SHANK1: variants seen among roughly 807,000 people sequenced by gnomAD.
SHANK1 encodes the protein SH3 and multiple ankyrin repeat domains 1.
In SHANK1, 35 loss-of-function variants were observed where a neutral mutation model predicts 165.6. The observed-to-expected ratio is 0.21, with a 90% CI of 0.16 to 0.28. The LOEUF (loss-of-function observed/expected upper bound fraction) is 0.28. Ranked by LOEUF, SHANK1 falls within the 10% of genes least tolerant of loss-of-function variation. The pLI is 1.00. For missense variants in SHANK1, 2,681 were observed against 3,036.4 expected (o/e 0.88, Z 2.75); for synonymous variants, 1,428 against 1,384.8 (o/e 1.03, Z -0.69).
chr19:50,713,355 A>G lies in SHANK1; in HGVS notation c.792+443T>C, dbSNP rs2089030610. On this transcript the variant is annotated intron_variant, in intron 6 of 23. Transcript: ENST00000293441. This position sits in a 1 kb window ranked among gnomAD's most constrained non-coding sequence, Gnocchi z 6.2. Reference sequence around the variant, plus strand: ...AAGGGGCTGTATTTGCATGTGAGAGAGGAGGGAGGGGAGCTGGTGCAGTGC... The same window carrying G: ...AAGGGGCTGTATTTGCATGTGAGAGGGGAGGGAGGGGAGCTGGTGCAGTGC... 6.9e-6 allele frequency among the ~76,000 whole-genome samples: 1 copy of G among 144,736 alleles called. No homozygotes were observed. 95.0% of individuals were successfully genotyped at this position (144,736 alleles called of 152,430 possible). A position where few individuals can be genotyped will look rare whatever the true frequency, so the allele number is the denominator to read the frequency against.
Position 50,689,204 on chromosome 19 carries a change from C to T in SHANK1, c.2040G>A (p.Gly680=), listed in dbSNP as rs751102790. 3.7e-6 allele frequency: 6 copies of T among 1,611,410 alleles called. No individual in the cohort carries two copies. Among genetic ancestry groups the T allele is most frequent in the Admixed American group, 1.7e-5 (1 of 59,868 alleles). ...TCCCCGGCTGGCACTCACCCTTGGCCCCCCGGAGCACGAACCCAAACCCCT... is the reference window on the plus strand; with the variant it reads ...TCCCCGGCTGGCACTCACCCTTGGCTCCCCGGAGCACGAACCCAAACCCCT... The part of the protein sequence containing the change: ...DSEGFGFVLR[G]AKAQTPIEEF... Residue 680 remains glycine, a synonymous_variant, in exon 16 of 24, where the codon GGG becomes GGA. Transcript: ENST00000293441.
rs1174507582 is a variant in SHANK1, at chr19:50,697,689, T to C, written c.1862-25A>G. On this transcript the variant is annotated intron_variant, in intron 13 of 23. Coordinates refer to ENST00000293441, the MANE Select transcript of SHANK1 (RefSeq NM_016148.5). This position sits in a 1 kb window ranked among gnomAD's most constrained non-coding sequence, Gnocchi z 4.7. ...TCTGCAGGGTGACAACAGACAACCT[T>C]GGACTCTTGTTTTGGAAACCACAAT... 2 of 1,611,296 alleles carry C rather than the reference T, an allele frequency of 1.2e-6. No homozygotes were observed. Among genetic ancestry groups the C allele is most frequent in the East Asian group, 2.2e-5 (1 of 44,872 alleles).
In SHANK1 at chr19:50,687,971, C is replaced by A. The variant is rs1986413434; in HGVS notation, c.2260G>T (p.Val754Leu). Residue 754 changes from valine (V) to leucine (L), a missense_variant, in exon 18 of 24, where the codon GTG (valine) becomes TTG (leucine). Transcript: ENST00000293441. ...ATGTCCGGGTGCCTGGTGACCATCA[C>A]CACCTTCACCATCAGCGTGTTGCCC... is the stretch of plus-strand genomic sequence containing the variant. ...QGGNTLMVKV[V>L]MVTRHPDMDE... The A allele has an allele frequency of 6.2e-7, 1 of 1,614,140 alleles. No homozygotes were observed. Among genetic ancestry groups the A allele is most frequent in the Non-Finnish European group, 8.5e-7 (1 of 1,179,978 alleles).
chr19:50,662,618 G>A lies in SHANK1; in HGVS notation c.5833C>T (p.Pro1945Ser), dbSNP rs767489058. 12 of 1,564,690 alleles carry A rather than the reference G, an allele frequency of 7.7e-6. No individual in the cohort carries two copies. The East Asian group carries it at 1.9e-4, about 25-fold the overall frequency. The change falls in exon 24 of 24, where the codon CCC becomes TCC. Residue 1945 changes from proline (P) to serine (S), a missense_variant. By Grantham distance (74) the Pro-to-Ser change is moderately conservative (BLOSUM62 -1). This residue lies in a region of SHANK1 where 1,713 missense variants were observed against 1,630.2 expected (regional missense o/e 1.05). Coordinates refer to ENST00000293441, the MANE Select transcript of SHANK1 (RefSeq NM_016148.5). The surrounding 1 kb of genome is among the most constrained non-coding windows in gnomAD (Gnocchi z 7.7). ...KPVSSLFQNW[P>S]KPPLPPLPTG... ...GGGAGTGGCGGCAGAGGTGGTTTGG[G>A]CCAGTTCTGAAACAGGCTGCTGACA... is the stretch of plus-strand genomic sequence containing the variant.
chr19:50,688,995 T>G lies in SHANK1; in HGVS notation c.2048-27A>C. On this transcript the variant is annotated intron_variant, in intron 16 of 23. Coordinates refer to ENST00000293441, the MANE Select transcript of SHANK1 (RefSeq NM_016148.5). The surrounding 1 kb of genome is among the most constrained non-coding windows in gnomAD (Gnocchi z 6.7). ...TGCAGACAGGGAGGAGCCGGCGGGG[T>G]CGGAGGGGAGGGGGTGGAGAGGCCG... The G allele has an allele frequency of 1.4e-6, 2 of 1,467,016 alleles. No individual in the cohort carries two copies. The highest frequency in any genetic ancestry group is 2.5e-5 in the East Asian group (1 of 40,034). 90.9% of individuals were successfully genotyped at this position (1,467,016 alleles called of 1,614,324 possible).
Position 50,714,195 on chromosome 19 carries a change from G to A in SHANK1, c.627C>T (p.Asp209=), listed in dbSNP as rs764991599. The A allele has an allele frequency of 3.6e-5, 58 of 1,613,938 alleles. No individual in the cohort carries two copies. The highest frequency in any genetic ancestry group is 4.8e-5 in the Non-Finnish European group (57 of 1,179,960). ...ACCCCTCCCTACCTCCCGAATCCGA[G>A]TCATGGTAATTGGGGTCCAGCCCCT... is the stretch of plus-strand genomic sequence containing the variant. ...LDKGLDPNYH[D]SDSGETPLTL... Residue 209 remains aspartate (D), a synonymous_variant, in exon 5 of 24, where the codon GAC becomes GAT. Transcript: ENST00000293441.
At chr19:50,714,011 T>A in intron 5 of SHANK1, 62 bp from the exon 6 acceptor site, 2 of 1,595,224 alleles carry the variant, frequency 1.3e-6, no homozygotes, top group East Asian at 2.3e-5. Context: ...CCCTTCCCAT[T>A]TTCCAGGCTC....
Position 50,662,738 on chromosome 19 carries a change from G to A in SHANK1, c.5769-56C>T. On this transcript the variant is annotated intron_variant, in intron 23 of 23. Coordinates refer to ENST00000293441, the MANE Select transcript of SHANK1 (RefSeq NM_016148.5). The surrounding 1 kb of genome is among the most constrained non-coding windows in gnomAD (Gnocchi z 7.7). ...GACAGGGATTTAGGGGGCAAGGGCA[G>A]GGGTGAGAAAGAGGCAGAGGTCAAG... The A allele has an allele frequency of 6.5e-7, 1 of 1,542,272 alleles. No individual in the cohort carries two copies. The highest frequency in any genetic ancestry group is 8.8e-7 in the Non-Finnish European group (1 of 1,140,064).
rs1344721066 is a variant in SHANK1, at chr19:50,717,679, G to GCAC, written c.-43-718_-43-717insGTG. Among the ~76,000 whole-genome samples the GCAC allele has an allele frequency of 6.6e-6, 1 of 152,132 alleles. No homozygotes were observed. The highest frequency in any genetic ancestry group is 1.5e-5 in the Non-Finnish European group (1 of 68,014). ...AGACTGGGGCATCTTGAGAGGGTGT[G>GCAC]CGGGTAGGTGGGGAGGTCGGCCTGG... On this transcript the variant is annotated intron_variant, in intron 1 of 23. Transcript: ENST00000293441. This position sits in a 1 kb window ranked among gnomAD's most constrained non-coding sequence, Gnocchi z 5.5.
intron 21 of SHANK1, among the ~76,000 whole-genome samples, chr19:50,674,071 A>G (rs559374970): frequency 6.6e-6 from 1 of 151,010 alleles, no homozygotes; most frequent in Admixed American, 6.6e-5. Context: ...CTCAGATTAC[A>G]GGCATGAGCC....
rs142370637 is a variant in SHANK1, at chr19:50,676,993, C to T, written c.2578-4879G>A. 5.7e-4 allele frequency among the ~76,000 whole-genome samples: 87 copies of T among 152,224 alleles called. 1 individual carries two copies. The highest frequency in any genetic ancestry group is 6.5e-4 in the Non-Finnish European group (44 of 68,024). ...AATGCTGGTGCAATAGCTAGAGCTC[C>T]AGCAGCAATTTTGGACTATGAGGCC... is the stretch of plus-strand genomic sequence containing the variant. On this transcript the variant is annotated intron_variant, in intron 21 of 23. Transcript: ENST00000293441.
In SHANK1 at chr19:50,667,189, G is replaced by A. The variant is rs748675087; in HGVS notation, c.4771C>T (p.Pro1591Ser). 12 of 1,570,866 alleles carry A rather than the reference G, an allele frequency of 7.6e-6. No individual in the cohort carries two copies. Among genetic ancestry groups the A allele is most frequent in the Non-Finnish European group, 9.4e-6 (11 of 1,165,796 alleles). The change falls in exon 23 of 24, where the codon CCG becomes TCG. Residue 1591 changes from proline to serine, a missense_variant. Around this residue, in one of 10 missense-constraint regions of SHANK1, gnomAD observed 1,713 missense variants for 1,630.2 expected, o/e 1.05. Coordinates refer to ENST00000293441, the MANE Select transcript of SHANK1 (RefSeq NM_016148.5). This position sits in a 1 kb window ranked among gnomAD's most constrained non-coding sequence, Gnocchi z 5.7. Reference protein sequence around the residue: ...ESPLTPGPPHPLPDTPAPATP... With the variant: ...ESPLTPGPPHSLPDTPAPATP... ...GCAGGGGCAGGTGTGTCGGGCAGCGGGTGGGGAGGCCCAGGCGTGAGGGGC... is the reference window on the plus strand; with the variant it reads ...GCAGGGGCAGGTGTGTCGGGCAGCGAGTGGGGAGGCCCAGGCGTGAGGGGC...
At chr19:50,701,992 C>G (rs148114937) in intron 12 of SHANK1, among the ~76,000 whole-genome samples, 2 of 152,324 alleles carry the variant, frequency 1.3e-5, no homozygotes, top group East Asian at 3.9e-4. Context: ...CCCTGCCTGT[C>G]TCTCAGTTGA....
chr19:50,681,562 A>G (rs1006257512), intron 21 of SHANK1, among the ~76,000 whole-genome samples: 2 of 152,054 alleles, frequency 1.3e-5, no homozygotes, highest in African/African-American at 4.8e-5. Context: ...TGCAGGGTAG[A>G]CCTAGAACTG....
At chr19:50,705,853 G>A (rs1424648317) in intron 8 of SHANK1, among the ~76,000 whole-genome samples, 1 of 152,140 alleles carries the variant, frequency 6.6e-6, no homozygotes, top group African/African-American at 2.4e-5. Context: ...GGAAACTAAG[G>A]CTTTCAAAAG....
Position 50,659,910 on chromosome 19 carries a change from C to T in SHANK1, c.*2055G>A, listed in dbSNP as rs1275455571. Among the ~76,000 whole-genome samples, 1 of 149,648 alleles carries T rather than the reference C, an allele frequency of 6.7e-6. No individual in the cohort carries two copies. Among genetic ancestry groups the T allele is most frequent in the Non-Finnish European group, 1.5e-5 (1 of 67,214 alleles). The stretch of plus-strand genomic sequence containing the variant: ...GGGGAGGGGGCGGGTAGGGGTCCAG[C>T]GCGGCCTCTGCCCCTCTCTCACCAC... On this transcript the variant is annotated 3_prime_UTR_variant, in exon 24 of 24. Transcript: ENST00000293441.
intron 21 of SHANK1, among the ~76,000 whole-genome samples, chr19:50,684,856 CA>C (rs34262561): frequency 6.6e-6 from 1 of 151,908 alleles, no homozygotes; most frequent in South Asian, 2.1e-4. Flanking sequence ...AACATGTTGA[CA>C]AAAAAAGATG....
rs1258184962 is a variant in SHANK1 at position 50,718,777 on chromosome 19, G to A, written c.-44+629C>T. ...GGAGAGAGAGCCGGAGCCGAGGCTG[G>A]GAAACTGGTGGGGGAGAACCCGGCC... On this transcript the variant is annotated intron_variant, in intron 1 of 23. Coordinates refer to ENST00000293441, the MANE Select transcript of SHANK1 (RefSeq NM_016148.5). The surrounding 1 kb of genome is among the most constrained non-coding windows in gnomAD (Gnocchi z 5.1). Among the ~76,000 whole-genome samples, 1 of 148,692 alleles carries A rather than the reference G, an allele frequency of 6.7e-6. No homozygotes were observed. Among genetic ancestry groups the A allele is most frequent in the Non-Finnish European group, 1.5e-5 (1 of 66,840 alleles).
At chr19:50,665,290 A>G (rs1239136420) in intron 23 of SHANK1, among the ~76,000 whole-genome samples, 2 of 152,184 alleles carry the variant, frequency 1.3e-5, no homozygotes, top group African/African-American at 4.8e-5. Context: ...AGGGCCAGGC[A>G]TGCTGGCTCA....
Sources: gnomAD v4.1 joint callset for allele counts (sites outside exome capture counted in the v4.1 genomes callset) on GRCh38, gnomAD v4.1.1 for gene constraint, gnomAD v4.1.1 regional missense constraint, Gnocchi (gnomAD v3.1) non-coding constraint, MANE v1.5 for transcripts, NCBI Gene and HGNC (gene_info 2026-07-23, HGNC 2026-07-21) for gene names.